The following MYOZ2 variants were observed in gnomAD, a reference collection of about 807,000 sequenced individuals.
The protein encoded by MYOZ2 is myozenin-2.
In MYOZ2, 19 loss-of-function variants were observed where a neutral mutation model predicts 25.4. That is an observed-to-expected ratio of 0.75 (90% CI 0.52 to 1.10). The LOEUF (loss-of-function observed/expected upper bound fraction) is 1.10. Ranked by LOEUF, MYOZ2 falls within the 50% of genes least tolerant of loss-of-function variation. The probability of loss-of-function intolerance (pLI) is 0.00; values close to 1 mark genes in which losing one functional copy is unlikely to be tolerated. For synonymous variants in MYOZ2, 92 were observed against 106.9 expected (o/e 0.86, Z 0.86); for missense variants, 270 against 317.9 (o/e 0.85, Z 1.15).
At chr4:119,145,526 G>A (rs961759500) in intron 2 of MYOZ2, among the ~76,000 whole-genome samples, 8 of 133,176 alleles carry the variant, frequency 6.0e-5, no homozygotes, top group Non-Finnish European at 9.7e-5. Flanking sequence ...GTGTGTGTGT[G>A]TGTGTGTGTG....
intron 5 of MYOZ2, among the ~76,000 whole-genome samples, chr4:119,184,549 A>T (rs1022713832): frequency 6.6e-6 from 1 of 152,176 alleles, no homozygotes; most frequent in Non-Finnish European, 1.5e-5. Flanking sequence ...CAATATTATA[A>T]CACCCTATTT....
chr4:119,150,198 A>G (rs1741414989), intron 2 of MYOZ2, among the ~76,000 whole-genome samples: 1 of 152,206 alleles, frequency 6.6e-6, no homozygotes, highest in Non-Finnish European at 1.5e-5. Context: ...GTAAAACCTA[A>G]AGAAAATGCA....
chr4:119,142,129 T>C (rs1741170097), intron 2 of MYOZ2, among the ~76,000 whole-genome samples: 1 of 152,188 alleles, frequency 6.6e-6, no homozygotes, highest in Admixed American at 6.5e-5. Flanking sequence ...GCAGTAGGGA[T>C]GTTTTGATTT....
chr4:119,166,473 T>C (rs544936996), intron 5 of MYOZ2, among the ~76,000 whole-genome samples: 12 of 150,714 alleles, frequency 8.0e-5, no homozygotes, highest in African/African-American at 2.9e-4. Flanking sequence ...CACACCACTG[T>C]ACTCCCACCT....
chr4:119,145,506 CTGTGTGTGTGTGTGTGTGTG>C (rs200111377), intron 2 of MYOZ2, among the ~76,000 whole-genome samples: 11 of 128,234 alleles, frequency 8.6e-5, no homozygotes, highest in South Asian at 2.8e-4. Flanking sequence ...CCAGCTAAAA[CTGTGTGTGTGTGTGTGTGTG>C]TGTGTGTGTG....
At chr4:119,165,233 G>C (rs570366372) in intron 5 of MYOZ2, among the ~76,000 whole-genome samples, 1 of 151,762 alleles carries the variant, frequency 6.6e-6, no homozygotes, top group African/African-American at 2.4e-5. Context: ...TAAGTGATCG[G>C]ATGTGGTGGC....
At chr4:119,151,315 T>C (rs1741446098) in intron 3 of MYOZ2, among the ~76,000 whole-genome samples, 1 of 151,560 alleles carries the variant, frequency 6.6e-6, no homozygotes, top group African/African-American at 2.4e-5. Flanking sequence ...GGAGAGGGAG[T>C]GGAGAGAAAT....
chr4:119,187,356 T>G lies in MYOZ2; in HGVS notation c.*1156T>G, dbSNP rs1742316789. The stretch of plus-strand genomic sequence containing the variant: ...ATAGATGTTTATAGCAGAGAAGAAA[T>G]GTCTCATCAATAGAAAACTATCAGA... On this transcript the variant is annotated 3_prime_UTR_variant, in exon 6 of 6. Coordinates refer to ENST00000307128, the MANE Select transcript of MYOZ2 (RefSeq NM_016599.5). The G allele has an allele frequency of 6.6e-6, 1 of 152,114 alleles. No homozygotes were observed. 9.4% of individuals were successfully genotyped at this position (152,114 alleles called of 1,614,324 possible).
Position 119,187,591 on chromosome 4 carries a change from T to C in MYOZ2, c.*1391T>C, listed in dbSNP as rs1239129762. ...AGTAACAATGACAAAGTATTATATT[T>C]ATATATATTATTGTAGAGAATTTGT... On this transcript the variant is annotated 3_prime_UTR_variant, in exon 6 of 6. Transcript: ENST00000307128. The C allele has an allele frequency of 6.6e-6, 1 of 152,042 alleles. No homozygotes were observed. The highest frequency in any genetic ancestry group is 1.5e-5 in the Non-Finnish European group (1 of 67,988). The allele number at this position is 152,042 out of a possible 1,614,324, so 9.4% of individuals were successfully genotyped here. A position where few individuals can be genotyped will look rare whatever the true frequency, so the allele number is the denominator to read the frequency against.
intron 5 of MYOZ2, among the ~76,000 whole-genome samples, chr4:119,174,388 C>T (rs1452737503): frequency 1.3e-5 from 2 of 151,950 alleles, no homozygotes; most frequent in African/African-American, 4.8e-5. Context: ...TGTGAATGCA[C>T]CAATGGACAC....
intron 5 of MYOZ2, among the ~76,000 whole-genome samples, chr4:119,168,672 A>C (rs990363979): frequency 1.4e-5 from 2 of 141,808 alleles, no homozygotes; most frequent in South Asian, 2.1e-4. Context: ...AATCTAAAAA[A>C]AACAACAACA....
At chr4:119,163,314 G>A (rs1448510523) in intron 4 of MYOZ2, among the ~76,000 whole-genome samples, 2 of 152,098 alleles carry the variant, frequency 1.3e-5, no homozygotes, top group Non-Finnish European at 2.9e-5. Context: ...AGATGGGAAA[G>A]AGCATCAGAG....
intron 5 of MYOZ2, among the ~76,000 whole-genome samples, chr4:119,173,916 G>A (rs1741997224): frequency 6.6e-6 from 1 of 152,240 alleles, no homozygotes; most frequent in South Asian, 2.1e-4. Flanking sequence ...GGCAATGAGG[G>A]ACTTAGCACT....
intron 5 of MYOZ2, among the ~76,000 whole-genome samples, chr4:119,171,870 CAAAG>C (rs1184692071): frequency 6.6e-6 from 1 of 151,118 alleles, no homozygotes; most frequent in African/African-American, 2.4e-5. Flanking sequence ...AAGAAAGAGA[CAAAG>C]AGAAAGAAGC....
At position 119,164,235 on chromosome 4, in the gene MYOZ2, T is replaced by C; in HGVS notation, c.401T>C (p.Ile134Thr). 6.2e-7 allele frequency: 1 copy of C among 1,613,976 alleles called. No individual in the cohort carries two copies. Among genetic ancestry groups the C allele is most frequent in the Non-Finnish European group, 8.5e-7 (1 of 1,179,916 alleles). ...GGATATTCTGGACCACTGAAGGAAA[T>C]TCCTCCTGAAAAATTCAACACCACA... ...APGYSGPLKE[I>T]PPEKFNTTAV... Residue 134 changes from isoleucine (I) to threonine (T), a missense_variant, in exon 5 of 6, where the codon ATT becomes ACT. Physicochemically the swap from Ile to Thr is moderately conservative, Grantham distance 89 (BLOSUM62 -1). Coordinates refer to ENST00000307128, the MANE Select transcript of MYOZ2 (RefSeq NM_016599.5).
chr4:119,185,417 T>A (rs1742271438), intron 5 of MYOZ2, among the ~76,000 whole-genome samples: 2 of 152,030 alleles, frequency 1.3e-5, no homozygotes, highest in Admixed American at 1.3e-4. Flanking sequence ...TGGGTTCAAG[T>A]CATTCTCCTG....
chr4:119,146,839 G>A (rs1741311004), intron 2 of MYOZ2, among the ~76,000 whole-genome samples: 1 of 152,088 alleles, frequency 6.6e-6, no homozygotes, highest in African/African-American at 2.4e-5. Context: ...TATAATTGTA[G>A]ATTTGTCTAT....
chr4:119,166,102 T>A (rs1315780154), intron 5 of MYOZ2, among the ~76,000 whole-genome samples: 2 of 152,160 alleles, frequency 1.3e-5, no homozygotes. Context: ...AACATTTTAT[T>A]CCTTTGCATA....
intron 5 of MYOZ2, among the ~76,000 whole-genome samples, chr4:119,176,232 T>C (rs1709286164): frequency 6.6e-6 from 1 of 152,252 alleles, no homozygotes; most frequent in East Asian, 1.9e-4. Context: ...GAACAAACTT[T>C]TTTTTTTAAA....
Sources: allele counts gnomAD v4.1 joint callset (sites outside exome capture counted in the v4.1 genomes callset), GRCh38; gene constraint gnomAD v4.1.1; transcripts MANE v1.5; gene names NCBI Gene and HGNC (gene_info 2026-07-23, HGNC 2026-07-21).